KMT5B: variants seen among roughly 807,000 people sequenced by gnomAD.
KMT5B encodes the protein lysine methyltransferase 5B.
A neutral mutation model predicts 83.2 loss-of-function variants in KMT5B; 10 were observed. The ratio of observed to expected loss-of-function variants is 0.12; its 90% CI spans 0.07 to 0.20. The LOEUF is 0.20. KMT5B is among the 10% of genes least tolerant of loss of function. The probability of loss-of-function intolerance (pLI) is 1.00; values close to 1 mark genes in which losing one functional copy is unlikely to be tolerated. For missense variants in KMT5B, 753 were observed against 1,067.2 expected (o/e 0.71, Z 4.10); for synonymous variants, 349 against 388.8 (o/e 0.90, Z 1.20).
chr11:68,181,527 A>C (rs1486543263), intron 3 of KMT5B, among the ~76,000 whole-genome samples: 3 of 152,236 alleles, frequency 2.0e-5, no homozygotes, highest in South Asian at 2.1e-4. Flanking sequence ...ACAGGCAGAG[A>C]GCTTAGAAAA....
intron 5 of KMT5B, among the ~76,000 whole-genome samples, chr11:68,174,796 GC>G (rs1856197504): frequency 6.6e-6 from 1 of 152,076 alleles, no homozygotes; most frequent in South Asian, 2.1e-4. Flanking sequence ...TCCCATCTTA[GC>G]CCCCACAAAG....
intron 1 of KMT5B, among the ~76,000 whole-genome samples, chr11:68,193,248 C>T (rs1329050616): frequency 1.3e-5 from 2 of 152,202 alleles, no homozygotes; most frequent in Non-Finnish European, 2.9e-5. Flanking sequence ...CGAGTAGAAC[C>T]CAGCACTGCT....
At chr11:68,195,658 A>C (rs1193639066) in intron 1 of KMT5B, among the ~76,000 whole-genome samples, 1 of 152,192 alleles carries the variant, frequency 6.6e-6, no homozygotes, top group Non-Finnish European at 1.5e-5. Flanking sequence ...CTTTCCCTAA[A>C]ATTATAGCTC....
chr11:68,192,273 A>G (rs1337585075), intron 1 of KMT5B, among the ~76,000 whole-genome samples: 1 of 152,218 alleles, frequency 6.6e-6, no homozygotes, highest in African/African-American at 2.4e-5. Context: ...CCTGTCATTA[A>G]GCAATGCATG....
intron 3 of KMT5B, among the ~76,000 whole-genome samples, chr11:68,185,014 A>G (rs1857299456): frequency 6.6e-6 from 1 of 152,208 alleles, no homozygotes; most frequent in Non-Finnish European, 1.5e-5. Context: ...GCTCTTAAAT[A>G]ATTAGCTGAA....
intron 10 of KMT5B, among the ~76,000 whole-genome samples, chr11:68,162,571 T>TTA (rs1854960332): frequency 1.3e-5 from 2 of 152,190 alleles, no homozygotes; most frequent in African/African-American, 4.8e-5. Context: ...CTTCTTATTT[T>TTA]CACCCGTTGG....
rs969882982 is a variant in KMT5B at position 68,185,670 on chromosome 11, G to T, written c.308+111C>A. 8 of 1,129,602 alleles carry T rather than the reference G, an allele frequency of 7.1e-6. No homozygotes were observed. The African/African-American group carries it at 1.3e-4, about 18-fold the overall frequency. 70.0% of individuals were successfully genotyped at this position (1,129,602 alleles called of 1,614,324 possible). On this transcript the variant is annotated intron_variant, in intron 3 of 10. Coordinates refer to ENST00000304363, the MANE Select transcript of KMT5B (RefSeq NM_017635.5). ...AGACAGAAAACCCTTCCACTGCAAA[G>T]AACTTTCCTTTAATGTCATTTTAAA...
intron 1 of KMT5B, among the ~76,000 whole-genome samples, chr11:68,204,936 C>T (rs567594602): frequency 1.2e-3 from 178 of 151,898 alleles, no homozygotes; most frequent in Non-Finnish European, 2.1e-3. Context: ...TGTTTTAAGC[C>T]GCTAAGTTTA....
intron 1 of KMT5B, among the ~76,000 whole-genome samples, chr11:68,207,105 G>A (rs1025064061): frequency 6.6e-6 from 1 of 151,978 alleles, no homozygotes; most frequent in Non-Finnish European, 1.5e-5. Context: ...AGCCGGGCAT[G>A]GTGGCGGCTG....
chr11:68,174,048 G>T, intron 5 of KMT5B, 135 bp from the exon 6 acceptor site: 2 of 701,290 alleles, frequency 2.9e-6, no homozygotes, highest in Non-Finnish European at 5.1e-6. Context: ...GCGAGACCCT[G>T]TCTCTACGAA....
intron 10 of KMT5B, among the ~76,000 whole-genome samples, chr11:68,164,179 C>T (rs938027670): frequency 2.6e-5 from 4 of 152,182 alleles, no homozygotes; most frequent in Non-Finnish European, 4.4e-5. Context: ...GATGCTAAAG[C>T]AAAGTCACAC....
At chr11:68,187,273 C>T (rs1354118773) in intron 2 of KMT5B, among the ~76,000 whole-genome samples, 8 of 152,230 alleles carry the variant, frequency 5.3e-5, no homozygotes, top group African/African-American at 1.9e-4. Flanking sequence ...GCTGGGATTA[C>T]AGGCGTGAGC....
intron 9 of KMT5B, among the ~76,000 whole-genome samples, chr11:68,169,333 G>A (rs930898667): frequency 6.6e-6 from 1 of 152,084 alleles, no homozygotes; most frequent in Non-Finnish European, 1.5e-5. Flanking sequence ...TTTCAGGACC[G>A]CCTCCAAAAA....
At chr11:68,207,435 G>A (rs112974880) in intron 1 of KMT5B, among the ~76,000 whole-genome samples, 1 of 151,928 alleles carries the variant, frequency 6.6e-6, no homozygotes. Context: ...AAAACTCAGA[G>A]AATTAGAAAA....
intron 1 of KMT5B, among the ~76,000 whole-genome samples, chr11:68,198,214 T>C (rs1858952636): frequency 6.6e-6 from 1 of 152,060 alleles, no homozygotes; most frequent in Non-Finnish European, 1.5e-5. Context: ...TGAAACCCCA[T>C]CCCTGCTAAA....
rs1456607407 is a variant in KMT5B, at chr11:68,184,248, T to A, written c.308+1533A>T. On this transcript the variant is annotated intron_variant, in intron 3 of 10. Transcript: ENST00000304363. ...TTAGCTGGGTGCAGTGGTGCACGCC[T>A]GTAATCCCAGCTACTTGGGAAACTG... 3.3e-5 allele frequency among the ~76,000 whole-genome samples: 5 copies of A among 152,040 alleles called. No homozygotes were observed. The East Asian group carries it at 9.7e-4, about 29-fold the overall frequency.
intron 6 of KMT5B, among the ~76,000 whole-genome samples, chr11:68,172,790 AC>A (rs1273689718): frequency 1.3e-5 from 2 of 152,130 alleles, no homozygotes; most frequent in Admixed American, 1.3e-4. Context: ...CAGGCTCAAT[AC>A]ATCCTGAGGT....
chr11:68,157,480 G>GT lies in KMT5B; in HGVS notation c.*207dup. ...CTTTACCTCTAACTCAGAATTGCAC[G>GT]TAAGAAGGCTATTTAAAAAGTACGA... is the stretch of plus-strand genomic sequence containing the variant. On this transcript the variant is annotated 3_prime_UTR_variant, in exon 11 of 11. Coordinates refer to ENST00000304363, the MANE Select transcript of KMT5B (RefSeq NM_017635.5). The GT allele has an allele frequency of 1.5e-6, 1 of 654,354 alleles. No individual in the cohort carries two copies. The allele number at this position is 654,354 out of a possible 1,614,324, so 40.5% of individuals were successfully genotyped here.
At chr11:68,180,858 G>A (rs1856851790) in intron 3 of KMT5B, among the ~76,000 whole-genome samples, 1 of 151,940 alleles carries the variant, frequency 6.6e-6, no homozygotes, top group African/African-American at 2.4e-5. Context: ...TTGTTAAAAA[G>A]AAAACTTTAG....
Sources: gnomAD v4.1 joint callset for allele counts (sites outside exome capture counted in the v4.1 genomes callset) on GRCh38, gnomAD v4.1.1 for gene constraint, MANE v1.5 for transcripts, NCBI Gene and HGNC (gene_info 2026-07-23, HGNC 2026-07-21) for gene names.